SPAG17: variants seen among roughly 807,000 people sequenced by gnomAD.
The protein encoded by SPAG17 is sperm associated antigen 17, also known as sperm-associated antigen 17.
A neutral mutation model predicts 273.6 loss-of-function variants in SPAG17; 169 were observed. That is an observed-to-expected ratio of 0.62 (90% confidence interval 0.55 to 0.70). The LOEUF is 0.70. Among genes scored for constraint, SPAG17 ranks in the 30% least tolerant of loss-of-function variants. SPAG17 has a pLI of 0.00. For missense variants in SPAG17, 2,557 were observed against 2,627.8 expected, an observed-to-expected ratio of 0.97 and a Z score of 0.59; for synonymous variants, 825 against 873.2, an observed-to-expected ratio of 0.94 and a Z score of 0.97.
intron 32 of SPAG17, among the ~76,000 whole-genome samples, chr1:118,004,328 A>G (rs1284323390): frequency 6.6e-6 from 1 of 152,214 alleles, no homozygotes; most frequent in Non-Finnish European, 1.5e-5. Context: ...CCATGTTGGG[A>G]GAACCACTGC....
intron 24 of SPAG17, among the ~76,000 whole-genome samples, chr1:118,033,769 G>C (rs1474320114): frequency 6.6e-6 from 1 of 152,176 alleles, no homozygotes; most frequent in Non-Finnish European, 1.5e-5. Context: ...ACACAATTGT[G>C]TGTTTATTAA....
chr1:117,981,231 C>A, intron 43 of SPAG17, 39 bp downstream of exon 43: 2 of 1,529,352 alleles, frequency 1.3e-6, no homozygotes, highest in South Asian at 2.6e-5. Flanking sequence ...ACATAATGTT[C>A]AGTTTCAAGA....
chr1:118,138,410 T>C (rs1328834958), intron 3 of SPAG17, among the ~76,000 whole-genome samples: 1 of 152,132 alleles, frequency 6.6e-6, no homozygotes, highest in African/African-American at 2.4e-5. Flanking sequence ...CAGGATTAAG[T>C]GAGAGGCTGA....
intron 18 of SPAG17, among the ~76,000 whole-genome samples, chr1:118,059,619 A>G (rs1396318110): frequency 4.6e-5 from 7 of 152,248 alleles, no homozygotes; most frequent in South Asian, 4.1e-4. Flanking sequence ...TTGTGTACAT[A>G]CATATTTACA....
At chr1:118,001,999 T>G (rs949863835) in intron 32 of SPAG17, among the ~76,000 whole-genome samples, 3 of 152,228 alleles carry the variant, frequency 2.0e-5, no homozygotes, top group African/African-American at 7.2e-5. Flanking sequence ...TTTAAATGTG[T>G]CCCAGAGATT....
intron 47 of SPAG17, 168 bp downstream of exon 47, chr1:117,966,441 G>T (rs1653857652): frequency 1.7e-6 from 1 of 584,982 alleles, no homozygotes. Flanking sequence ...TTTAGATTTG[G>T]CTAGGTGCTT....
At chr1:118,162,460 G>A (rs1438104082) in intron 1 of SPAG17, among the ~76,000 whole-genome samples, 1 of 152,104 alleles carries the variant, frequency 6.6e-6, no homozygotes, top group Non-Finnish European at 1.5e-5. Flanking sequence ...ATTGAAATGG[G>A]CATGGCATTG....
chr1:118,160,015 A>C (rs1558053962), intron 1 of SPAG17, among the ~76,000 whole-genome samples: 1 of 152,206 alleles, frequency 6.6e-6, no homozygotes, highest in Non-Finnish European at 1.5e-5. Flanking sequence ...AAAGGAAACG[A>C]GCTTCTTTGG....
chr1:117,996,802 T>C, intron 32 of SPAG17, 59 bp from the exon 33 acceptor site: 1 of 1,486,216 alleles, frequency 6.7e-7, no homozygotes, highest in Non-Finnish European at 9.0e-7. Context: ...CTTAAACTTC[T>C]GCTGATTCAA....
intron 43 of SPAG17, among the ~76,000 whole-genome samples, chr1:117,980,969 T>A (rs917487425): frequency 6.6e-6 from 1 of 152,198 alleles, no homozygotes; most frequent in Non-Finnish European, 1.5e-5. Context: ...CAATAAATCA[T>A]ACAAGTTCTC....
intron 18 of SPAG17, among the ~76,000 whole-genome samples, chr1:118,064,474 A>C (rs1240207562): frequency 6.6e-6 from 1 of 151,274 alleles, no homozygotes; most frequent in Non-Finnish European, 1.5e-5. Context: ...TTCTCAGCAA[A>C]CTATCACAAG....
At chr1:118,000,946 T>G (rs372377034) in intron 32 of SPAG17, among the ~76,000 whole-genome samples, 1 of 152,216 alleles carries the variant, frequency 6.6e-6, no homozygotes, top group Non-Finnish European at 1.5e-5. Context: ...CAGTATGATA[T>G]TGGCTGTGGG....
chr1:118,144,311 G>A (rs1658846975), intron 3 of SPAG17, among the ~76,000 whole-genome samples: 1 of 152,266 alleles, frequency 6.6e-6, no homozygotes, highest in African/African-American at 2.4e-5. Context: ...TGGGGGCCCA[G>A]GGCTGTTAAC....
rs1481314406 is a variant in SPAG17, at chr1:118,054,043, C to A, written c.2773G>T (p.Glu925Ter). ...TEISDQEKEK[E>*]KEKIPFILEG... is the part of the protein sequence containing the mutation. ...AAAATGAAAGGAATCTTTTCCTTCT[C>A]TTTTTCTTTTTCTTGATCTGATATC... The change falls in exon 20 of 49, where the codon GAG becomes TAG. Residue 925 changes from glutamate (E) to a stop codon, truncating the protein, a stop_gained. Transcript: ENST00000336338. LOFTEE classifies it high-confidence loss of function. The A allele has an allele frequency of 1.9e-6, 3 of 1,608,030 alleles. No individual in the cohort carries two copies. Among genetic ancestry groups the A allele is most frequent in the Non-Finnish European group, 2.5e-6 (3 of 1,177,072 alleles).
At chr1:118,038,355 G>T (rs1012607801) in intron 23 of SPAG17, among the ~76,000 whole-genome samples, 2 of 152,096 alleles carry the variant, frequency 1.3e-5, no homozygotes, top group African/African-American at 4.8e-5. Flanking sequence ...TTTGGAAGAC[G>T]ATTTGGTGGA....
intron 26 of SPAG17, among the ~76,000 whole-genome samples, chr1:118,027,343 C>T (rs535602718): frequency 9.2e-5 from 14 of 152,016 alleles, no homozygotes; most frequent in Non-Finnish European, 2.1e-4. Flanking sequence ...GGGGAGGGAG[C>T]TGGGAAGTAA....
chr1:118,044,258 G>A (rs181948511), intron 20 of SPAG17, among the ~76,000 whole-genome samples: 48 of 152,216 alleles, frequency 3.2e-4, no homozygotes, highest in African/African-American at 9.9e-4. Context: ...AGGCCAAGGC[G>A]GGTGGATCAC....
rs1453779449 is a variant in SPAG17, at chr1:118,140,353, C to T, written c.315+10190G>A. Among the ~76,000 whole-genome samples the T allele has an allele frequency of 2.0e-5, 3 of 152,094 alleles. No individual in the cohort carries two copies. In the East Asian group the frequency reaches 5.8e-4, roughly 29 times the overall value. ...TCAAAATTGTTAAATTTCAAATGTT[C>T]TCACCACAAAAAATGTTAAATGTTT... On this transcript the variant is annotated intron_variant, in intron 3 of 48. Coordinates refer to ENST00000336338, the MANE Select transcript of SPAG17 (RefSeq NM_206996.4).
chr1:118,074,534 C>T lies in SPAG17; in HGVS notation c.2271+5G>A, dbSNP rs1463364108. The T allele has an allele frequency of 6.2e-7, 1 of 1,611,552 alleles. No individual in the cohort carries two copies. The highest frequency in any genetic ancestry group is 1.7e-5 in the Admixed American group (1 of 59,964). On this transcript the variant is annotated splice_donor_5th_base_variant and intron_variant, in intron 16 of 48. Transcript: ENST00000336338. ...ATCTACATTTTCAGAAAAATAATTC[C>T]TTACCTTTTCATGAGAATCAGCCTT...
Sources: gnomAD v4.1 joint callset for allele counts (sites outside exome capture counted in the v4.1 genomes callset) on GRCh38, gnomAD v4.1.1 for gene constraint, MANE v1.5 for transcripts, NCBI Gene and HGNC (gene_info 2026-07-23, HGNC 2026-07-21) for gene names.